The following SWAP70 variants were observed in gnomAD, a reference collection of about 807,000 sequenced individuals.
SWAP70 encodes switching B cell complex subunit SWAP70.
A neutral mutation model predicts 80.2 loss-of-function variants in SWAP70; 34 were observed. The ratio of observed to expected loss-of-function variants is 0.42; its 90% confidence interval spans 0.32 to 0.56. The LOEUF (loss-of-function observed/expected upper bound fraction) is 0.56. SWAP70 is among the 20% of genes least tolerant of loss of function. SWAP70 has a pLI of 0.09. For missense variants in SWAP70, 578 were observed against 690.7 expected (o/e 0.84, Z 1.83); for synonymous variants, 239 against 238.5 (o/e 1.00, Z -0.02).
chr11:9,695,161 G>T (rs1850739756), intron 2 of SWAP70, among the ~76,000 whole-genome samples: 1 of 151,968 alleles, frequency 6.6e-6, no homozygotes, highest in Non-Finnish European at 1.5e-5. Context: ...ACGTGTGGTG[G>T]CATGCTCCTG....
intron 4 of SWAP70, among the ~76,000 whole-genome samples, 157 bp from the exon 5 acceptor site, chr11:9,727,896 T>A (rs552753102): frequency 6.6e-6 from 1 of 152,316 alleles, no homozygotes; most frequent in South Asian, 2.1e-4. Context: ...CTAGGTGTAA[T>A]GCCCCTCCAT....
At chr11:9,704,605 C>CAGGCAGGT (rs1850876018) in intron 2 of SWAP70, among the ~76,000 whole-genome samples, 1 of 152,038 alleles carries the variant, frequency 6.6e-6, no homozygotes, top group Admixed American at 6.6e-5. Context: ...GTTGGTCAGG[C>CAGGCAGGT]TGGTCTCGGA....
intron 3 of SWAP70, among the ~76,000 whole-genome samples, chr11:9,724,176 A>C (rs1398551825): frequency 6.6e-6 from 1 of 152,228 alleles, no homozygotes; most frequent in Non-Finnish European, 1.5e-5. Context: ...CATTATTTAC[A>C]ACATTGTAGT....
intron 1 of SWAP70, among the ~76,000 whole-genome samples, chr11:9,691,521 G>A (rs575521725): frequency 3.3e-5 from 5 of 152,200 alleles, no homozygotes; most frequent in Admixed American, 1.3e-4. Context: ...TTTAATTGTC[G>A]AAGGCTGAAA....
At chr11:9,730,852 T>C (rs1191483246) in intron 6 of SWAP70, among the ~76,000 whole-genome samples, 1 of 152,160 alleles carries the variant, frequency 6.6e-6, no homozygotes, top group Non-Finnish European at 1.5e-5. Context: ...ATGCCGAAGT[T>C]TGGGGTATGA....
intron 8 of SWAP70, among the ~76,000 whole-genome samples, chr11:9,738,713 T>C (rs1299638681): frequency 6.9e-6 from 1 of 144,762 alleles, no homozygotes; most frequent in Non-Finnish European, 1.5e-5. Context: ...AAAAAAGAAT[T>C]AGCCAGGCCT....
intron 8 of SWAP70, among the ~76,000 whole-genome samples, chr11:9,739,806 G>T (rs1851411987): frequency 6.6e-6 from 1 of 152,238 alleles, no homozygotes; most frequent in East Asian, 1.9e-4. Flanking sequence ...ACTGGGAAAA[G>T]GTTCGTTCCT....
At chr11:9,702,174 T>C (rs892257835) in intron 2 of SWAP70, among the ~76,000 whole-genome samples, 13 of 152,238 alleles carry the variant, frequency 8.5e-5, no homozygotes, top group African/African-American at 2.7e-4. Flanking sequence ...CTTGTTCATA[T>C]GTCACTTATA....
intron 7 of SWAP70, among the ~76,000 whole-genome samples, chr11:9,733,675 C>T (rs1018051875): frequency 2.0e-5 from 3 of 152,152 alleles, no homozygotes; most frequent in African/African-American, 7.2e-5. Flanking sequence ...TTGCATCTTG[C>T]CTCTTTCTGC....
intron 1 of SWAP70, among the ~76,000 whole-genome samples, chr11:9,672,566 G>T (rs1256851916): frequency 7.4e-6 from 1 of 134,820 alleles, no homozygotes; most frequent in Non-Finnish European, 1.6e-5. Context: ...TAGAGACAGG[G>T]TCTCACTTTG....
chr11:9,739,734 T>A (rs1011278732), intron 8 of SWAP70, among the ~76,000 whole-genome samples: 3 of 152,202 alleles, frequency 2.0e-5, no homozygotes, highest in Non-Finnish European at 2.9e-5. Context: ...CCATGCTGGA[T>A]GACCTTTCCT....
At position 9,750,148 on chromosome 11, in the gene SWAP70, G is replaced by A. The variant is rs185033264; in HGVS notation, c.*178G>A. The A allele has an allele frequency of 6.1e-3, 2,304 of 379,248 alleles. 20 individuals carry two copies. The highest frequency in any genetic ancestry group is 0.015 in the South Asian group (405 of 26,868). The allele number at this position is 379,248 out of a possible 1,614,324, so 23.5% of individuals were successfully genotyped here. A position where few individuals can be genotyped will look rare whatever the true frequency, so the allele number is the denominator to read the frequency against. ...AGGTCAGGAGTTCAAGAGCAGCCTG[G>A]CCAACCTGGTGAAACCCTGTCTCTA... On this transcript the variant is annotated 3_prime_UTR_variant, in exon 12 of 12. Coordinates refer to ENST00000318950, the MANE Select transcript of SWAP70 (RefSeq NM_015055.4).
intron 2 of SWAP70, among the ~76,000 whole-genome samples, chr11:9,711,884 C>T (rs1851003230): frequency 1.3e-5 from 2 of 152,156 alleles, no homozygotes; most frequent in African/African-American, 4.8e-5. Flanking sequence ...ACACGAAGAG[C>T]CTTAGTTATA....
At chr11:9,707,251 A>G (rs753118079) in intron 2 of SWAP70, among the ~76,000 whole-genome samples, 1 of 152,200 alleles carries the variant, frequency 6.6e-6, no homozygotes, top group Non-Finnish European at 1.5e-5. Flanking sequence ...ATTGTACAAC[A>G]GAACTTTAGA....
At chr11:9,698,781 A>G (rs1850794678) in intron 2 of SWAP70, among the ~76,000 whole-genome samples, 1 of 152,126 alleles carries the variant, frequency 6.6e-6, no homozygotes, top group South Asian at 2.1e-4. Context: ...TTTTCTTCAT[A>G]TTTATTTTTT....
chr11:9,674,192 C>T (rs1850457667), intron 1 of SWAP70, among the ~76,000 whole-genome samples: 1 of 152,182 alleles, frequency 6.6e-6, no homozygotes, highest in Admixed American at 6.6e-5. Flanking sequence ...TGAGCCACTG[C>T]ACCTGGCTGA....
At chr11:9,740,420 C>T in intron 9 of SWAP70, 73 bp downstream of exon 9, 4 of 1,452,244 alleles carry the variant, frequency 2.8e-6, no homozygotes, top group South Asian at 1.1e-5. Flanking sequence ...GAATGACTAA[C>T]ACTCTGGTGG....
intron 2 of SWAP70, among the ~76,000 whole-genome samples, chr11:9,702,375 T>TA (rs1850843644): frequency 1.4e-5 from 2 of 146,260 alleles, no homozygotes; most frequent in African/African-American, 5.4e-5. Flanking sequence ...TTTCGTTCAT[T>TA]GTTTTTTGAA....
intron 3 of SWAP70, among the ~76,000 whole-genome samples, chr11:9,719,631 A>T (rs1368434976): frequency 6.6e-6 from 1 of 152,258 alleles, no homozygotes; most frequent in Non-Finnish European, 1.5e-5. Flanking sequence ...TGACTTACAT[A>T]GTGAAGTTAA....
Sources: allele counts gnomAD v4.1 joint callset (sites outside exome capture counted in the v4.1 genomes callset), GRCh38; gene constraint gnomAD v4.1.1; transcripts MANE v1.5; gene names NCBI Gene and HGNC (gene_info 2026-07-23, HGNC 2026-07-21).